The following ADAMTS3 variants were observed in gnomAD, a reference collection of about 807,000 sequenced individuals.
The protein encoded by ADAMTS3 is ADAM metallopeptidase with thrombospondin type 1 motif 3.
A neutral mutation model predicts 129.0 loss-of-function variants in ADAMTS3; 73 were observed. The ratio of observed to expected loss-of-function variants is 0.57; its 90% CI spans 0.47 to 0.69. The LOEUF (loss-of-function observed/expected upper bound fraction) is 0.69. Ranked by LOEUF, ADAMTS3 falls within the 30% of genes least tolerant of loss-of-function variation. The probability of loss-of-function intolerance (pLI) is 0.00; values close to 1 mark genes in which losing one functional copy is unlikely to be tolerated. For synonymous variants in ADAMTS3, 477 were observed against 510.8 expected, an observed-to-expected ratio of 0.93 and a Z score of 0.89; for missense variants, 1,457 against 1,514.5, an observed-to-expected ratio of 0.96 and a Z score of 0.63.
intron 3 of ADAMTS3, among the ~76,000 whole-genome samples, chr4:72,462,488 G>T (rs1436970643): frequency 6.6e-6 from 1 of 151,942 alleles, no homozygotes; most frequent in Non-Finnish European, 1.5e-5. Flanking sequence ...CAAGTGTACG[G>T]TCACACACCA....
chr4:72,511,133 A>T (rs1331325358), intron 3 of ADAMTS3, among the ~76,000 whole-genome samples: 6 of 152,170 alleles, frequency 3.9e-5, no homozygotes, highest in Admixed American at 3.3e-4. Flanking sequence ...AAATCAAAAT[A>T]GATTAAAGAC....
At chr4:72,501,805 GTTTT>G in intron 3 of ADAMTS3, among the ~76,000 whole-genome samples, 1 of 152,154 alleles carries the variant, frequency 6.6e-6, no homozygotes, top group African/African-American at 2.4e-5. Context: ...TTTCCTGAGG[GTTTT>G]TTTATCATAC....
intron 21 of ADAMTS3, among the ~76,000 whole-genome samples, chr4:72,288,000 A>C (rs1718555494): frequency 6.6e-6 from 1 of 152,068 alleles, no homozygotes; most frequent in African/African-American, 2.4e-5. Flanking sequence ...CAAGTAGCTG[A>C]AATTACAGGC....
intron 18 of ADAMTS3, among the ~76,000 whole-genome samples, chr4:72,296,137 C>T (rs1718801420): frequency 6.6e-6 from 1 of 151,658 alleles, no homozygotes; most frequent in Admixed American, 6.6e-5. Flanking sequence ...GTAGAGGGCA[C>T]CAAAGGAACA....
intron 3 of ADAMTS3, among the ~76,000 whole-genome samples, chr4:72,498,562 T>C (rs1468623885): frequency 2.0e-5 from 3 of 151,980 alleles, no homozygotes. Flanking sequence ...TATTAATGTA[T>C]TCCAAACAAA....
chr4:72,357,179 G>A (rs1189572779), intron 4 of ADAMTS3, among the ~76,000 whole-genome samples: 1 of 151,888 alleles, frequency 6.6e-6, no homozygotes, highest in South Asian at 2.1e-4. Flanking sequence ...GAATGTGTAT[G>A]GAGATGCTCC....
chr4:72,341,320 C>T (rs1720131915), intron 4 of ADAMTS3, among the ~76,000 whole-genome samples: 1 of 152,172 alleles, frequency 6.6e-6, no homozygotes. Context: ...AGCCCAACTG[C>T]TAGCTCATTA....
chr4:72,483,015 T>C (rs575157495), intron 3 of ADAMTS3, among the ~76,000 whole-genome samples: 1 of 152,304 alleles, frequency 6.6e-6, no homozygotes, highest in African/African-American at 2.4e-5. Context: ...AACCTGAAAG[T>C]GTGCTAATGA....
rs1245660090 is a variant in ADAMTS3 at position 72,549,081 on chromosome 4, A to G, written c.98-197T>C. 3.3e-5 allele frequency among the ~76,000 whole-genome samples: 5 copies of G among 152,196 alleles called. No homozygotes were observed. The East Asian group carries it at 9.6e-4, about 29-fold the overall frequency. On this transcript the variant is annotated intron_variant, in intron 2 of 21. Transcript: ENST00000286657. ...ATGCATTTAAGTAACCCTGTGTTCA[A>G]TGAATCATTTTTTACTTAAAATAGT...
intron 3 of ADAMTS3, among the ~76,000 whole-genome samples, chr4:72,537,538 C>T (rs183105961): frequency 6.6e-6 from 1 of 152,010 alleles, no homozygotes; most frequent in Admixed American, 6.5e-5. Context: ...TCAGAAAAGA[C>T]CTGAGAAGAC....
At chr4:72,422,968 T>A (rs943116936) in intron 3 of ADAMTS3, among the ~76,000 whole-genome samples, 1 of 152,146 alleles carries the variant, frequency 6.6e-6, no homozygotes, top group Non-Finnish European at 1.5e-5. Flanking sequence ...AAGACAAAAA[T>A]TAGTCTAAGT....
chr4:72,404,966 A>T (rs1261437810), intron 4 of ADAMTS3, among the ~76,000 whole-genome samples: 1 of 152,036 alleles, frequency 6.6e-6, no homozygotes, highest in African/African-American at 2.4e-5. Context: ...CAGCATCACT[A>T]ATCAGGGAAA....
chr4:72,530,546 T>A (rs1720991540), intron 3 of ADAMTS3, among the ~76,000 whole-genome samples: 1 of 84,782 alleles, frequency 1.2e-5, no homozygotes, highest in African/African-American at 4.9e-5. Flanking sequence ...TATATTAATT[T>A]AAAATATATT....
At chr4:72,420,612 G>T (rs550692257) in intron 3 of ADAMTS3, among the ~76,000 whole-genome samples, 28 of 152,178 alleles carry the variant, frequency 1.8e-4, no homozygotes, top group Non-Finnish European at 1.5e-4. Context: ...TGCCCTTCTG[G>T]TCAGGAATTA....
At chr4:72,303,791 T>C (rs1350685474) in intron 17 of ADAMTS3, 126 bp downstream of exon 17, 3 of 949,342 alleles carry the variant, frequency 3.2e-6, no homozygotes, top group African/African-American at 1.7e-5. Flanking sequence ...AATGGAATTA[T>C]TTTAAAAAGC....
intron 6 of ADAMTS3, among the ~76,000 whole-genome samples, chr4:72,322,166 A>C (rs749584557): frequency 3.3e-5 from 5 of 152,200 alleles, no homozygotes; most frequent in Non-Finnish European, 5.9e-5. Context: ...GCTGGAGTTA[A>C]TTCATATTCC....
chr4:72,327,766 G>A (rs1336078971), intron 5 of ADAMTS3, among the ~76,000 whole-genome samples: 3 of 152,146 alleles, frequency 2.0e-5, no homozygotes, highest in Non-Finnish European at 4.4e-5. Context: ...CAACCTTTGA[G>A]TTTAAGAATA....
At chr4:72,532,513 A>G (rs900912409) in intron 3 of ADAMTS3, among the ~76,000 whole-genome samples, 20 of 151,982 alleles carry the variant, frequency 1.3e-4, no homozygotes, top group African/African-American at 4.8e-4. Flanking sequence ...ACACACACAC[A>G]CACACACGTA....
Position 72,520,417 on chromosome 4 carries a change from T to C in ADAMTS3, c.504+28061A>G, listed in dbSNP as rs1560548397. Among the ~76,000 whole-genome samples, 5 of 152,186 alleles carry C rather than the reference T, an allele frequency of 3.3e-5. No homozygotes were observed. The South Asian group carries it at 1.0e-3, about 31-fold the overall frequency. ...GTCTGCAGAGGTTACTGCTGTCTTTTTGTTTGTCTGTGCCCTGCCCCCAGA... is the reference window on the plus strand; with the variant it reads ...GTCTGCAGAGGTTACTGCTGTCTTTCTGTTTGTCTGTGCCCTGCCCCCAGA... On this transcript the variant is annotated intron_variant, in intron 3 of 21. Coordinates refer to ENST00000286657, the MANE Select transcript of ADAMTS3 (RefSeq NM_014243.3).
Sources: gnomAD v4.1 joint callset for allele counts (sites outside exome capture counted in the v4.1 genomes callset) on GRCh38, gnomAD v4.1.1 for gene constraint, MANE v1.5 for transcripts, NCBI Gene and HGNC (gene_info 2026-07-23, HGNC 2026-07-21) for gene names.